The following NELL1 variants were observed in gnomAD, a reference collection of about 807,000 sequenced individuals.
The protein encoded by NELL1 is protein kinase C-binding protein NELL1.
NELL1 carries 76 observed loss-of-function variants against 107.4 expected under a neutral mutation model. The ratio of observed to expected loss-of-function variants is 0.71; its 90% CI spans 0.59 to 0.86. The LOEUF (loss-of-function observed/expected upper bound fraction) is 0.86, where lower values mean the gene tolerates loss of function less well. Ranked by LOEUF, NELL1 falls within the 40% of genes least tolerant of loss-of-function variation. The pLI, the probability that NELL1 is intolerant of heterozygous loss-of-function variation, is 0.00. For synonymous variants in NELL1, 353 were observed against 341.2 expected (o/e 1.03, Z -0.38); for missense variants, 1,024 against 1,005.5 (o/e 1.02, Z -0.25).
At chr11:21,154,467 A>T (rs949669919) in intron 13 of NELL1, among the ~76,000 whole-genome samples, 2 of 152,194 alleles carry the variant, frequency 1.3e-5, no homozygotes, top group African/African-American at 4.8e-5. Context: ...ATTGATTATT[A>T]TCTGCCAGAC....
chr11:20,990,118 G>C (rs769203564), intron 12 of NELL1, among the ~76,000 whole-genome samples: 6 of 152,126 alleles, frequency 3.9e-5, no homozygotes, highest in Non-Finnish European at 7.4e-5. Context: ...TTGCAATATG[G>C]GGGGAGTACA....
intron 2 of NELL1, among the ~76,000 whole-genome samples, chr11:20,772,821 C>T (rs1362741308): frequency 6.6e-6 from 1 of 152,138 alleles, no homozygotes; most frequent in African/African-American, 2.4e-5. Context: ...TTAGACAGAT[C>T]TGGGTTTGAA....
intron 12 of NELL1, among the ~76,000 whole-genome samples, chr11:21,024,978 A>G (rs1852781895): frequency 6.6e-6 from 1 of 152,156 alleles, no homozygotes. Flanking sequence ...AACACTTGCA[A>G]GCCAGCTCTG....
At chr11:21,137,200 A>G (rs1039254801) in intron 13 of NELL1, among the ~76,000 whole-genome samples, 6 of 152,250 alleles carry the variant, frequency 3.9e-5, no homozygotes, top group African/African-American at 1.4e-4. Context: ...AATCATCCTG[A>G]TACAGATAAG....
chr11:21,316,316 G>T (rs527617557), intron 14 of NELL1, among the ~76,000 whole-genome samples: 1 of 152,078 alleles, frequency 6.6e-6, no homozygotes, highest in East Asian at 1.9e-4. Context: ...TGATAGGCTT[G>T]GTTTTTACAC....
chr11:21,394,576 C>G (rs1055040263), intron 15 of NELL1, among the ~76,000 whole-genome samples: 1 of 151,086 alleles, frequency 6.6e-6, no homozygotes, highest in African/African-American at 2.4e-5. Context: ...AGTATGTGAA[C>G]AGAATTTGTT....
At chr11:21,509,228 G>A (rs542501727) in intron 15 of NELL1, among the ~76,000 whole-genome samples, 1 of 152,222 alleles carries the variant, frequency 6.6e-6, no homozygotes, top group African/African-American at 2.4e-5. Flanking sequence ...AGCGACTATT[G>A]ACAAAGCATG....
At chr11:21,115,059 G>T (rs1228983262) in intron 13 of NELL1, among the ~76,000 whole-genome samples, 3 of 151,980 alleles carry the variant, frequency 2.0e-5, no homozygotes, top group Non-Finnish European at 4.4e-5. Flanking sequence ...CTACCAGAAT[G>T]CTTGACTTTG....
Position 20,933,261 on chromosome 11 carries a change from A to G in NELL1, c.998-4525A>G, listed in dbSNP as rs144061723. On this transcript the variant is annotated intron_variant, in intron 9 of 19. Coordinates refer to ENST00000357134, the MANE Select transcript of NELL1 (RefSeq NM_006157.5). ...GAAGGGAAGGATGTGGGTGACAGCC[A>G]AAGGAGCTGGCACATTAGAGATACT... 3.4e-3 allele frequency among the ~76,000 whole-genome samples: 514 copies of G among 152,328 alleles called. 1 individual carries two copies. The highest frequency in any genetic ancestry group is 0.012 in the African/African-American group (484 of 41,574).
intron 4 of NELL1, among the ~76,000 whole-genome samples, chr11:20,856,872 T>A (rs1197504638): frequency 6.6e-6 from 1 of 152,226 alleles, no homozygotes; most frequent in Non-Finnish European, 1.5e-5. Context: ...TATAGCTCTG[T>A]GAGATGGATG....
At chr11:21,032,205 C>T (rs777814560) in intron 12 of NELL1, among the ~76,000 whole-genome samples, 57 of 151,862 alleles carry the variant, frequency 3.8e-4, no homozygotes, top group Non-Finnish European at 7.7e-4. Flanking sequence ...GTGCATTGCC[C>T]CTACTCCCCC....
intron 5 of NELL1, among the ~76,000 whole-genome samples, chr11:20,915,717 A>ATATATATATATATATATATATTTTTTTTT: frequency 1.7e-5 from 1 of 58,218 alleles, no homozygotes; most frequent in African/African-American, 8.8e-5. Context: ...ATATATATAT[A>ATATATATATATATATATATATTTTTTTTT]TTTTTTTTTT....
intron 2 of NELL1, among the ~76,000 whole-genome samples, chr11:20,753,976 C>T (rs1446009786): frequency 6.6e-6 from 1 of 152,164 alleles, no homozygotes; most frequent in Admixed American, 6.5e-5. Flanking sequence ...TGTCATGGGG[C>T]ATATACACAT....
intron 14 of NELL1, among the ~76,000 whole-genome samples, chr11:21,319,287 T>A (rs575072066): frequency 1.1e-4 from 17 of 151,866 alleles, no homozygotes; most frequent in Admixed American, 4.6e-4. Flanking sequence ...ACAATTTGCG[T>A]GCCTCAGCCT....
intron 12 of NELL1, among the ~76,000 whole-genome samples, chr11:20,976,636 T>TA (rs1377893347): frequency 3.9e-5 from 6 of 152,226 alleles, no homozygotes; most frequent in Non-Finnish European, 8.8e-5. Flanking sequence ...AAACTGTGTT[T>TA]AACATAGCAT....
intron 15 of NELL1, among the ~76,000 whole-genome samples, chr11:21,436,204 G>A (rs190206654): frequency 1.4e-4 from 21 of 152,100 alleles, no homozygotes; most frequent in African/African-American, 3.6e-4. Flanking sequence ...ACAGGTGTGC[G>A]CCACCACGTC....
At chr11:21,113,534 C>A in intron 12 of NELL1, 55 bp from the exon 13 acceptor site, 1 of 1,521,418 alleles carries the variant, frequency 6.6e-7, no homozygotes, top group African/African-American at 1.4e-5. Flanking sequence ...AAAATGATTA[C>A]ACTGTTGTTC....
intron 15 of NELL1, among the ~76,000 whole-genome samples, chr11:21,493,467 A>C: frequency 6.6e-6 from 1 of 152,188 alleles, no homozygotes; most frequent in Non-Finnish European, 1.5e-5. Context: ...CATTATGTTA[A>C]GTGAGACAAG....
intron 15 of NELL1, among the ~76,000 whole-genome samples, chr11:21,372,797 T>C (rs191463060): frequency 2.3e-3 from 348 of 152,122 alleles, no homozygotes; most frequent in Non-Finnish European, 3.4e-3. Context: ...GAGGGAAACA[T>C]TACCTTAGAC....
Sources: allele counts gnomAD v4.1 joint callset (sites outside exome capture counted in the v4.1 genomes callset), GRCh38; gene constraint gnomAD v4.1.1; transcripts MANE v1.5; gene names NCBI Gene and HGNC (gene_info 2026-07-23, HGNC 2026-07-21).